Variants in PATJ observed in about 807,000 individuals in gnomAD.
PATJ encodes inaD-like protein.
In PATJ, 190 loss-of-function variants were observed where a neutral mutation model predicts 224.9. The ratio of observed to expected loss-of-function variants is 0.84; its 90% confidence interval spans 0.75 to 0.95. The LOEUF (loss-of-function observed/expected upper bound fraction) is 0.95, where lower values mean the gene tolerates loss of function less well. Among genes scored for constraint, PATJ ranks in the 40% least tolerant of loss-of-function variants. PATJ has a pLI of 0.00. For synonymous variants in PATJ, 769 were observed against 820.3 expected, an observed-to-expected ratio of 0.94 and a Z score of 1.07; for missense variants, 2,121 against 2,270.3, an observed-to-expected ratio of 0.93 and a Z score of 1.34.
At chr1:62,069,016 T>C (rs931849789) in intron 31 of PATJ, among the ~76,000 whole-genome samples, 1 of 152,232 alleles carries the variant, frequency 6.6e-6, no homozygotes, top group South Asian at 2.1e-4. Flanking sequence ...TATAAATTCA[T>C]GTTTAAACAC....
intron 10 of PATJ, 147 bp from the exon 11 acceptor site, chr1:61,797,140 C>G: frequency 1.2e-6 from 1 of 837,160 alleles, no homozygotes; most frequent in Non-Finnish European, 1.9e-6. Flanking sequence ...TACCAAAGTG[C>G]TGGGATTACA....
At chr1:62,062,477 A>T (rs1345064308) in intron 31 of PATJ, among the ~76,000 whole-genome samples, 1 of 100,490 alleles carries the variant, frequency 1.0e-5, no homozygotes, top group Non-Finnish European at 1.9e-5. Flanking sequence ...GTGTGGTCAT[A>T]GCCCACAGCA....
chr1:61,779,605 A>G (rs1647133557), intron 7 of PATJ, among the ~76,000 whole-genome samples: 3 of 152,312 alleles, frequency 2.0e-5, no homozygotes, highest in South Asian at 4.2e-4. Context: ...CTGTTATACC[A>G]TCATTACCAC....
chr1:61,780,419 C>T (rs1383569910), intron 7 of PATJ, among the ~76,000 whole-genome samples: 3 of 152,124 alleles, frequency 2.0e-5, no homozygotes, highest in African/African-American at 7.2e-5. Flanking sequence ...GAGCCAAGAT[C>T]ACGCCACAGC....
chr1:62,046,609 A>G (rs1472357033), intron 30 of PATJ, among the ~76,000 whole-genome samples: 1 of 152,238 alleles, frequency 6.6e-6, no homozygotes, highest in East Asian at 1.9e-4. Context: ...TGCTCGATTC[A>G]AGGATCTTTC....
chr1:61,865,409 T>G (rs1162027475), intron 20 of PATJ: 1 of 151,812 alleles, frequency 6.6e-6, no homozygotes, highest in African/African-American at 2.4e-5. Context: ...TTTTAAATTT[T>G]TTTGTAGAGA....
At chr1:62,118,773 G>A (rs1404315122) in intron 37 of PATJ, among the ~76,000 whole-genome samples, 9 of 151,962 alleles carry the variant, frequency 5.9e-5, no homozygotes, top group Non-Finnish European at 1.3e-4. Context: ...GGGACTACAG[G>A]TGCCCGCCAC....
In PATJ at chr1:61,949,704, C is replaced by T. The variant is rs569239945; in HGVS notation, c.3670+21875C>T. 3.3e-5 allele frequency among the ~76,000 whole-genome samples: 5 copies of T among 151,774 alleles called. No individual in the cohort carries two copies. The East Asian group carries it at 5.8e-4, about 18-fold the overall frequency. On this transcript the variant is annotated intron_variant, in intron 27 of 43. Transcript: ENST00000642238. ...GGTGGATCACTTGAGGTTAAGAGTT[C>T]GAGACCAGCCCGCTCAACATGGTGA...
chr1:61,939,238 G>C (rs1199961270), intron 27 of PATJ, among the ~76,000 whole-genome samples: 1 of 147,766 alleles, frequency 6.8e-6, no homozygotes, highest in Admixed American at 6.8e-5. Flanking sequence ...ACAGAGAAAA[G>C]CCTTTCAAAT....
At chr1:61,875,411 C>CAAGCTTTCAGTTTTATGTTTGT (rs1667218256) in intron 21 of PATJ, 45 bp downstream of exon 21, 2 of 1,529,914 alleles carry the variant, frequency 1.3e-6, no homozygotes, top group Non-Finnish European at 1.8e-6. Context: ...CATTATTTTG[C>CAAGCTTTCAGTTTTATGTTTGT]AAGCTTTCAG....
chr1:62,046,154 A>C (rs189867315), intron 30 of PATJ, among the ~76,000 whole-genome samples: 116 of 148,754 alleles, frequency 7.8e-4, no homozygotes, highest in African/African-American at 2.9e-3. Context: ...GTGAGCTGTG[A>C]TCATGCCACT....
chr1:61,903,427 G>A (rs1180974814), intron 24 of PATJ, among the ~76,000 whole-genome samples: 1 of 152,172 alleles, frequency 6.6e-6, no homozygotes, highest in African/African-American at 2.4e-5. Flanking sequence ...AACAGATTTG[G>A]GGAGACATGT....
chr1:62,091,791 C>T (rs761463784), intron 33 of PATJ, among the ~76,000 whole-genome samples: 3 of 152,100 alleles, frequency 2.0e-5, no homozygotes, highest in East Asian at 3.9e-4. Context: ...CAGGGTGGCT[C>T]ATGCCTGTAA....
At chr1:61,767,475 G>C (rs1646346743) in intron 4 of PATJ, among the ~76,000 whole-genome samples, 1 of 152,088 alleles carries the variant, frequency 6.6e-6, no homozygotes, top group Non-Finnish European at 1.5e-5. Context: ...GAAATTCAAA[G>C]CTGTAGTGAG....
At chr1:61,834,910 G>A (rs974877000) in intron 17 of PATJ, among the ~76,000 whole-genome samples, 26 of 152,088 alleles carry the variant, frequency 1.7e-4, no homozygotes, top group African/African-American at 5.8e-4. Flanking sequence ...TGTATTTTTA[G>A]TAGAGATGGG....
At chr1:61,767,672 T>C (rs886532316) in intron 4 of PATJ, among the ~76,000 whole-genome samples, 2 of 141,764 alleles carry the variant, frequency 1.4e-5, no homozygotes, top group African/African-American at 2.5e-5. Flanking sequence ...TCTTTCCTTT[T>C]CTTTTCTTTT....
intron 17 of PATJ, among the ~76,000 whole-genome samples, chr1:61,852,173 G>C (rs1237100030): frequency 1.3e-5 from 2 of 149,004 alleles, no homozygotes; most frequent in African/African-American, 4.9e-5. Context: ...AGAAATAAAT[G>C]GGCTGAACCA....
At chr1:61,930,516 C>T (rs1327548662) in intron 27 of PATJ, among the ~76,000 whole-genome samples, 2 of 152,136 alleles carry the variant, frequency 1.3e-5, no homozygotes, top group African/African-American at 4.8e-5. Flanking sequence ...CAGTGTAAGC[C>T]CTAGGCCTAC....
At chr1:61,796,662 C>CG (rs1553162884) in intron 10 of PATJ, among the ~76,000 whole-genome samples, 2 of 50,080 alleles carry the variant, frequency 4.0e-5, no homozygotes, top group African/African-American at 1.3e-4. Context: ...AATTTATTTT[C>CG]TTTCTTTCTT....
Sources: allele counts gnomAD v4.1 joint callset (sites outside exome capture counted in the v4.1 genomes callset), GRCh38; gene constraint gnomAD v4.1.1; transcripts MANE v1.5; gene names NCBI Gene and HGNC (gene_info 2026-07-23, HGNC 2026-07-21).